The following SPATA13 variants were observed in gnomAD, a reference collection of about 807,000 sequenced individuals.
SPATA13 encodes the protein spermatogenesis associated 13.
A neutral mutation model predicts 104.0 loss-of-function variants in SPATA13; 50 were observed. The observed-to-expected ratio is 0.48, with a 90% confidence interval of 0.38 to 0.61. The LOEUF (loss-of-function observed/expected upper bound fraction) is 0.61. Among genes scored for constraint, SPATA13 ranks in the 20% least tolerant of loss-of-function variants. SPATA13 has a pLI of 0.00. For synonymous variants in SPATA13, 606 were observed against 667.5 expected (o/e 0.91, Z 1.42); for missense variants, 1,524 against 1,690.6 (o/e 0.90, Z 1.73).
chr13:24,147,119 T>G (rs78170937), intron 3 of SPATA13, among the ~76,000 whole-genome samples: 3,766 of 152,246 alleles, frequency 0.025, 81 homozygotes, highest in African/African-American at 0.056. Flanking sequence ...TCAGATAATT[T>G]TTTTCTTACC....
At chr13:24,275,050 T>C (rs1874875377) in intron 4 of SPATA13, among the ~76,000 whole-genome samples, 1 of 152,188 alleles carries the variant, frequency 6.6e-6, no homozygotes, top group South Asian at 2.1e-4. Flanking sequence ...AGGGGCTTTT[T>C]TTTTCCTGAT....
chr13:24,122,351 A>G (rs1421528152), intron 3 of SPATA13: 3 of 1,519,384 alleles, frequency 2.0e-6, no homozygotes, highest in Non-Finnish European at 1.8e-6. Context: ...AATATCTGAT[A>G]CACATCAACA....
chr13:24,030,064 A>ATG (rs1566078602), intron 3 of SPATA13, among the ~76,000 whole-genome samples: 4 of 140,114 alleles, frequency 2.9e-5, no homozygotes, highest in East Asian at 2.0e-4. Context: ...ACACACACAC[A>ATG]CGCACACACA....
chr13:24,110,294 G>A (rs888155419), intron 3 of SPATA13, among the ~76,000 whole-genome samples: 1 of 151,864 alleles, frequency 6.6e-6, no homozygotes, highest in Non-Finnish European at 1.5e-5. Flanking sequence ...GGAAGGGAGG[G>A]GAGGATGGCT....
intron 3 of SPATA13, among the ~76,000 whole-genome samples, chr13:24,036,418 G>T (rs1215208054): frequency 6.6e-6 from 1 of 152,358 alleles, no homozygotes; most frequent in East Asian, 1.9e-4. Flanking sequence ...GGAGGAGTAT[G>T]TAAGCAGACT....
chr13:24,286,689 C>A lies in SPATA13; in HGVS notation c.2482-76C>A, dbSNP rs374534423. The stretch of plus-strand genomic sequence containing the variant: ...TAACAGGTCACAGGAAAGTAGGAAC[C>A]TGGGAGGTCTCCTGCCTCTGCTCCA... On this transcript the variant is annotated intron_variant, in intron 6 of 12. Coordinates refer to ENST00000382108, the MANE Select transcript of SPATA13 (RefSeq NM_001166271.3). This position sits in a 1 kb window ranked among gnomAD's most constrained non-coding sequence, Gnocchi z 4.9. 3 of 1,400,372 alleles carry A rather than the reference C, an allele frequency of 2.1e-6. No individual in the cohort carries two copies. 86.7% of individuals were successfully genotyped at this position (1,400,372 alleles called of 1,614,324 possible). A position where few individuals can be genotyped will look rare whatever the true frequency, so the allele number is the denominator to read the frequency against.
chr13:24,300,058 C>T (rs140456152), intron 11 of SPATA13, among the ~76,000 whole-genome samples: 1 of 152,320 alleles, frequency 6.6e-6, no homozygotes, highest in East Asian at 1.9e-4. Context: ...TCTGTCCTCT[C>T]CTTCTGGGGC....
At chr13:24,119,811 A>G (rs1309879195) in intron 3 of SPATA13, among the ~76,000 whole-genome samples, 1 of 152,206 alleles carries the variant, frequency 6.6e-6, no homozygotes, top group Non-Finnish European at 1.5e-5. Context: ...AGACCCGGCC[A>G]GCCCCCACCG....
chr13:24,149,809 G>A (rs1457714126), intron 3 of SPATA13, among the ~76,000 whole-genome samples: 2 of 152,222 alleles, frequency 1.3e-5, no homozygotes, highest in Non-Finnish European at 2.9e-5. Flanking sequence ...TGCATGACAT[G>A]CAAAGAAACT....
At chr13:24,237,192 C>T (rs751046025) in intron 2 of SPATA13, among the ~76,000 whole-genome samples, 16 of 151,912 alleles carry the variant, frequency 1.1e-4, no homozygotes, top group Non-Finnish European at 1.6e-4. Context: ...CCCATCTCTA[C>T]TAAAAATACA....
chr13:24,230,372 G>A (rs1213096393), intron 2 of SPATA13, among the ~76,000 whole-genome samples: 9 of 152,170 alleles, frequency 5.9e-5, no homozygotes, highest in South Asian at 2.1e-4. Context: ...AGTAAGTGCC[G>A]CAGGAGCCCC....
At chr13:24,085,910 A>G (rs1376845989) in intron 3 of SPATA13, among the ~76,000 whole-genome samples, 1 of 152,246 alleles carries the variant, frequency 6.6e-6, no homozygotes, top group Non-Finnish European at 1.5e-5. Context: ...AACAAACACT[A>G]CAGGTTCTTT....
At chr13:24,119,733 T>C (rs1430307414) in intron 3 of SPATA13, among the ~76,000 whole-genome samples, 1 of 152,202 alleles carries the variant, frequency 6.6e-6, no homozygotes, top group Non-Finnish European at 1.5e-5. Context: ...CTGGCTTCAC[T>C]GTAAACAATT....
chr13:24,139,044 C>G (rs1345844435), intron 3 of SPATA13, among the ~76,000 whole-genome samples: 1 of 152,150 alleles, frequency 6.6e-6, no homozygotes, highest in African/African-American at 2.4e-5. Context: ...TTCTCTCACA[C>G]TTTGGGACGT....
chr13:24,068,803 C>G (rs1879058555), intron 3 of SPATA13, among the ~76,000 whole-genome samples: 1 of 152,134 alleles, frequency 6.6e-6, no homozygotes, highest in Non-Finnish European at 1.5e-5. Flanking sequence ...TTGTTGGCCG[C>G]ATGTATGTCT....
rs201705213 is a variant in SPATA13 at position 24,024,496 on chromosome 13, G to A, written c.-112+6795G>A. Among the ~76,000 whole-genome samples the A allele has an allele frequency of 2.0e-5, 3 of 152,032 alleles. No individual in the cohort carries two copies. In the East Asian group the frequency reaches 5.8e-4, roughly 29 times the overall value. ...CAACCACATGCAAGAAGAAAGGAGA[G>A]TGCTATCTGGAGTGTTAGAAACCCT... On this transcript the variant is annotated intron_variant, in intron 3 of 14. Coordinates refer to the SPATA13 transcript ENST00000424834.
chr13:24,267,903 A>G (rs1191498995), intron 4 of SPATA13, among the ~76,000 whole-genome samples: 1 of 152,230 alleles, frequency 6.6e-6, no homozygotes, highest in Non-Finnish European at 1.5e-5. Context: ...AACACTTCTG[A>G]AACCTGAATG....
At chr13:24,001,706 A>T (rs17079728) in intron 2 of SPATA13, among the ~76,000 whole-genome samples, 1 of 151,488 alleles carries the variant, frequency 6.6e-6, no homozygotes, top group Admixed American at 6.6e-5. Context: ...GGGATGTTCA[A>T]TGATGGCCGT....
At chr13:24,000,103 A>T (rs1341898453) in intron 2 of SPATA13, among the ~76,000 whole-genome samples, 3 of 152,238 alleles carry the variant, frequency 2.0e-5, no homozygotes, top group African/African-American at 7.2e-5. Context: ...GTGAGGTAAG[A>T]AACCTAGTGG....
Sources: gnomAD v4.1 joint callset for allele counts (sites outside exome capture counted in the v4.1 genomes callset) on GRCh38, gnomAD v4.1.1 for gene constraint, Gnocchi (gnomAD v3.1) non-coding constraint, MANE v1.5 for transcripts, NCBI Gene and HGNC (gene_info 2026-07-23, HGNC 2026-07-21) for gene names.